Variants in LRRK1 observed in about 807,000 individuals in gnomAD.
LRRK1 encodes leucine-rich repeat serine/threonine-protein kinase 1.
LRRK1 carries 113 observed loss-of-function variants against 209.1 expected under a neutral mutation model. That is an observed-to-expected ratio of 0.54 (90% CI 0.46 to 0.63). LRRK1 has a LOEUF of 0.63. LRRK1 is among the 30% of genes least tolerant of loss of function. The pLI, the probability that LRRK1 is intolerant of heterozygous loss-of-function variation, is 0.00. For missense variants in LRRK1, 2,284 were observed against 2,632.2 expected (o/e 0.87, Z 2.89); for synonymous variants, 1,144 against 1,099.7 (o/e 1.04, Z -0.80).
Position 101,027,547 on chromosome 15 carries a change from C to T in LRRK1, c.2527-91C>T. 1.1e-5 allele frequency: 17 copies of T among 1,531,960 alleles called. No individual in the cohort carries two copies. The highest frequency in any genetic ancestry group is 1.4e-5 in the African/African-American group (1 of 73,218). 94.9% of individuals were successfully genotyped at this position (1,531,960 alleles called of 1,614,324 possible). A position where few individuals can be genotyped will look rare whatever the true frequency, so the allele number is the denominator to read the frequency against. Reference sequence around the variant, plus strand: ...GATAGTGGGTGGAAACGTCCCACCCCCTCAGGCCACAGGGGCCGGGCAGGA... The same window carrying T: ...GATAGTGGGTGGAAACGTCCCACCCTCTCAGGCCACAGGGGCCGGGCAGGA... On this transcript the variant is annotated intron_variant, in intron 18 of 33. Transcript: ENST00000388948. The surrounding 1 kb of genome is among the most constrained non-coding windows in gnomAD (Gnocchi z 5.1).
intron 6 of LRRK1, among the ~76,000 whole-genome samples, chr15:100,990,675 T>C (rs963357530): frequency 8.6e-5 from 13 of 151,278 alleles, no homozygotes; most frequent in Admixed American, 7.2e-4. Context: ...GTTTGTTGAT[T>C]ATTTTTTCTA....
At position 101,070,997 on chromosome 15, in the gene LRRK1, G is replaced by A. The variant is rs542923448; in HGVS notation, c.*2149G>A. The A allele has an allele frequency of 6.6e-6, 1 of 152,346 alleles. No homozygotes were observed. Among genetic ancestry groups the A allele is most frequent in the Non-Finnish European group, 1.5e-5 (1 of 68,040 alleles). The allele number at this position is 152,346 out of a possible 1,614,324, so 9.4% of individuals were successfully genotyped here. On this transcript the variant is annotated 3_prime_UTR_variant, in exon 34 of 34. Coordinates refer to ENST00000388948, the MANE Select transcript of LRRK1 (RefSeq NM_024652.6). ...AAACAGAAAACCGGAAAGGCAAACAGGTTAAGGGCATGGGCAGCAATTGAA... is the reference window on the plus strand; with the variant it reads ...AAACAGAAAACCGGAAAGGCAAACAAGTTAAGGGCATGGGCAGCAATTGAA...
chr15:101,068,564 C>T (rs1567295055), intron 33 of LRRK1, 107 bp from the exon 34 acceptor site: 2 of 1,222,322 alleles, frequency 1.6e-6, no homozygotes, highest in Non-Finnish European at 1.1e-6. Context: ...GACACACTCC[C>T]CTGCCCTTAG....
chr15:100,941,456 C>CTGTGTGTGTGTG (rs1567191180), intron 2 of LRRK1, among the ~76,000 whole-genome samples: 1 of 5,640 alleles, frequency 1.8e-4, no homozygotes, highest in African/African-American at 2.6e-4. Context: ...CTGTGTGTGT[C>CTGTGTGTGTGTG]TATGTCTCTG....
Position 100,953,248 on chromosome 15 carries a change from C to A in LRRK1, c.98-20556C>A, listed in dbSNP as rs28689143. Among the ~76,000 whole-genome samples the A allele has an allele frequency of 8.7e-4, 132 of 152,254 alleles. 3 individuals carry two copies. Among genetic ancestry groups the A allele is most frequent in the African/African-American group, 3.1e-3 (128 of 41,546 alleles). On this transcript the variant is annotated intron_variant, in intron 2 of 33. Transcript: ENST00000388948. The stretch of plus-strand genomic sequence containing the variant: ...ATCCCCGAACTTACTCATCTTATAA[C>A]TAAAAGTTTGTACCCTTCAACCAAC...
chr15:101,044,128 G>A (rs983775539), intron 20 of LRRK1: 3 of 152,226 alleles, frequency 2.0e-5, no homozygotes, highest in African/African-American at 7.2e-5. Context: ...AGGCTGCTGG[G>A]ATCCCTGGAT....
intron 20 of LRRK1, among the ~76,000 whole-genome samples, 166 bp from the exon 21 acceptor site, chr15:101,045,815 G>A (rs1265252681): frequency 7.2e-5 from 11 of 152,118 alleles, no homozygotes; most frequent in Admixed American, 5.2e-4. Context: ...TATAAACCAC[G>A]CTTCTCTTAC....
chr15:100,998,807 GATGGATGGATGA>G lies in LRRK1; in HGVS notation c.762+9420_762+9431del, dbSNP rs142885971. On this transcript the variant is annotated intron_variant, in intron 6 of 33. Transcript: ENST00000388948. ...GGGTTGATGGTTACATGGTTGCATG[GATGGATGGATGA>G]ATGGATGGATAGATAGATGGGTGGG... 3.7e-3 allele frequency among the ~76,000 whole-genome samples: 568 copies of G among 151,704 alleles called. 1 individual carries two copies. Among genetic ancestry groups the G allele is most frequent in the African/African-American group, 0.013 (526 of 41,370 alleles).
chr15:100,973,914 G>GC lies in LRRK1; in HGVS notation c.211dup (p.Arg71ProfsTer51). ...GTACAGGCGGGGAGACCGCGGCGGC[G>GC]CCCGGGACCTGCTGGAGGAGGCCTG... On this transcript the variant is annotated frameshift_variant, in exon 3 of 34. Coordinates refer to ENST00000388948, the MANE Select transcript of LRRK1 (RefSeq NM_024652.6). LOFTEE classifies it high-confidence loss of function. 1 of 1,266,092 alleles carries GC rather than the reference G, an allele frequency of 7.9e-7. No individual in the cohort carries two copies. Among genetic ancestry groups the GC allele is most frequent in the Non-Finnish European group, 1.0e-6 (1 of 1,000,378 alleles). 78.4% of individuals were successfully genotyped at this position (1,266,092 alleles called of 1,614,324 possible). A position where few individuals can be genotyped will look rare whatever the true frequency, so the allele number is the denominator to read the frequency against.
At chr15:101,058,266 G>T in intron 29 of LRRK1, 125 bp downstream of exon 29, 1 of 882,740 alleles carries the variant, frequency 1.1e-6, no homozygotes, top group Non-Finnish European at 1.7e-6. Context: ...TCCAGAACCT[G>T]GTTAGACTGC....
chr15:101,012,888 G>T (rs546005891), intron 10 of LRRK1, among the ~76,000 whole-genome samples: 2 of 151,688 alleles, frequency 1.3e-5, no homozygotes, highest in African/African-American at 4.8e-5. Flanking sequence ...AAGGAGCCAC[G>T]CGGGGTGCCC....
At chr15:100,976,795 G>A (rs1001566105) in intron 3 of LRRK1, among the ~76,000 whole-genome samples, 2 of 152,198 alleles carry the variant, frequency 1.3e-5, no homozygotes, top group African/African-American at 4.8e-5. Flanking sequence ...TCCATCCACA[G>A]GAGAAGGCTG....
intron 2 of LRRK1, among the ~76,000 whole-genome samples, chr15:100,950,839 C>G (rs1453866341): frequency 6.6e-6 from 1 of 152,140 alleles, no homozygotes; most frequent in Non-Finnish European, 1.5e-5. Context: ...CGCGGTGGCT[C>G]GCGCCTGTCA....
intron 2 of LRRK1, among the ~76,000 whole-genome samples, chr15:100,937,080 A>G (rs2042311967): frequency 6.6e-6 from 1 of 152,324 alleles, no homozygotes; most frequent in Admixed American, 6.5e-5. Context: ...TAAAGGTTAT[A>G]GGTTTATGTA....
Position 100,980,249 on chromosome 15 carries a change from C to T in LRRK1, c.262-3279C>T, listed in dbSNP as rs574039175. Among the ~76,000 whole-genome samples, 12 of 151,366 alleles carry T rather than the reference C, an allele frequency of 7.9e-5. No individual in the cohort carries two copies. The East Asian group carries it at 1.2e-3, about 15-fold the overall frequency. ...TATACAAAGGAGCTCTCCTGAAACA[C>T]GCAGCAACTCAGATGGATCTCAGGA... is the stretch of plus-strand genomic sequence containing the variant. On this transcript the variant is annotated intron_variant, in intron 3 of 33. Coordinates refer to ENST00000388948, the MANE Select transcript of LRRK1 (RefSeq NM_024652.6).
chr15:100,938,150 C>T (rs1347598986), intron 2 of LRRK1, among the ~76,000 whole-genome samples: 1 of 152,064 alleles, frequency 6.6e-6, no homozygotes, highest in African/African-American at 2.4e-5. Flanking sequence ...TGAGCCACCA[C>T]ACCCGGCCAC....
At chr15:101,009,364 TG>T (rs937895847) in intron 7 of LRRK1, among the ~76,000 whole-genome samples, 2 of 152,152 alleles carry the variant, frequency 1.3e-5, no homozygotes, top group Admixed American at 1.3e-4. Context: ...CTTCCCACAC[TG>T]GTGGATGCAA....
Position 101,076,818 on chromosome 15 carries a change from G to A in LRRK1, c.*7970G>A, listed in dbSNP as rs894395833. On this transcript the variant is annotated 3_prime_UTR_variant, in exon 34 of 34. Transcript: ENST00000388948. ...GATAACTAAAATACCTCTTATTCTAGGTAGACACTTTCACTGGATAGGTAG... is the reference window on the plus strand; with the variant it reads ...GATAACTAAAATACCTCTTATTCTAAGTAGACACTTTCACTGGATAGGTAG... 6.6e-6 allele frequency: 1 copy of A among 152,158 alleles called. No homozygotes were observed. The highest frequency in any genetic ancestry group is 1.5e-5 in the Non-Finnish European group (1 of 68,042). 9.4% of individuals were successfully genotyped at this position (152,158 alleles called of 1,614,324 possible).
intron 3 of LRRK1, among the ~76,000 whole-genome samples, chr15:100,980,322 T>C (rs900678939): frequency 2.6e-5 from 4 of 152,102 alleles, no homozygotes; most frequent in Non-Finnish European, 5.9e-5. Context: ...AAAGATCATA[T>C]TCTCTATGAT....
Sources: gnomAD v4.1 joint callset for allele counts (sites outside exome capture counted in the v4.1 genomes callset) on GRCh38, gnomAD v4.1.1 for gene constraint, Gnocchi (gnomAD v3.1) non-coding constraint, MANE v1.5 for transcripts, NCBI Gene and HGNC (gene_info 2026-07-23, HGNC 2026-07-21) for gene names.